Variants in SRFBP1 observed in about 807,000 individuals in gnomAD.
SRFBP1 encodes serum response factor binding protein 1.
A neutral mutation model predicts 45.5 loss-of-function variants in SRFBP1; 47 were observed. That is an observed-to-expected ratio of 1.03 (90% CI 0.82 to 1.32). The LOEUF (loss-of-function observed/expected upper bound fraction) is 1.32, where lower values mean the gene tolerates loss of function less well. SRFBP1 is among the 40% of genes most tolerant of loss of function. The pLI is 0.00. For missense variants in SRFBP1, 621 were observed against 484.6 expected (o/e 1.28, Z -2.64); for synonymous variants, 203 against 166.3 (o/e 1.22, Z -1.70).
At chr5:122,066,572 C>T (rs937929317) in intron 2 of SRFBP1, 4 of 508,122 alleles carry the variant, frequency 7.9e-6, no homozygotes, top group African/African-American at 3.9e-5. Flanking sequence ...ATGACTTAAG[C>T]GTTCAAAATC....
intron 1 of SRFBP1, among the ~76,000 whole-genome samples, chr5:121,966,946 A>ATTTTTTTTT (rs34687337): frequency 2.2e-4 from 25 of 114,680 alleles, no homozygotes; most frequent in Non-Finnish European, 3.3e-4. Flanking sequence ...CGCCCAGCTA[A>ATTTTTTTTT]TTTTTTTTTT....
rs543502295 is a variant in SRFBP1 at position 121,995,211 on chromosome 5, A to T, written c.270+541A>T. On this transcript the variant is annotated intron_variant, in intron 4 of 7. Coordinates refer to ENST00000339397, the MANE Select transcript of SRFBP1 (RefSeq NM_152546.3). Reference sequence around the variant, plus strand: ...TCCACCCCAAATCAACAGAATATACATTTTTTTCAGCACCACACCACACCT... The same window carrying T: ...TCCACCCCAAATCAACAGAATATACTTTTTTTTCAGCACCACACCACACCT... 2.0e-4 allele frequency among the ~76,000 whole-genome samples: 30 copies of T among 151,698 alleles called. 1 individual carries two copies. In the South Asian group the frequency reaches 6.1e-3, roughly 31 times the overall value.
chr5:121,975,467 C>T lies in SRFBP1; in HGVS notation c.198+80C>T. 4.7e-6 allele frequency: 7 copies of T among 1,479,046 alleles called. No homozygotes were observed. In the South Asian group the frequency reaches 6.9e-5, roughly 14 times the overall value. The allele number at this position is 1,479,046 out of a possible 1,614,324, so 91.6% of individuals were successfully genotyped here. On this transcript the variant is annotated intron_variant, in intron 3 of 7. Coordinates refer to ENST00000339397, the MANE Select transcript of SRFBP1 (RefSeq NM_152546.3). Reference sequence around the variant, plus strand: ...TGCATTTTGTTTGTGTGTGGTATTGCTTATTTGAATATTCCCGAGAGTTGC... The same window carrying T: ...TGCATTTTGTTTGTGTGTGGTATTGTTTATTTGAATATTCCCGAGAGTTGC...
intron 4 of SRFBP1, among the ~76,000 whole-genome samples, chr5:121,996,083 T>A (rs1020812924): frequency 3.3e-5 from 5 of 149,576 alleles, no homozygotes; most frequent in Non-Finnish European, 6.0e-5. Context: ...CTACCAGAGG[T>A]ACAAGGAGGA....
intron 3 of SRFBP1, 45 bp from the exon 4 acceptor site, chr5:121,994,554 A>G: frequency 1.5e-6 from 2 of 1,316,694 alleles, no homozygotes; most frequent in East Asian, 2.3e-5. Flanking sequence ...AATAGTGATA[A>G]AAATAGACAC....
chr5:122,005,945 A>G (rs1189657191), intron 4 of SRFBP1, among the ~76,000 whole-genome samples: 1 of 152,186 alleles, frequency 6.6e-6, no homozygotes, highest in Non-Finnish European at 1.5e-5. Context: ...GCACACCCCC[A>G]TTTAGAGTAT....
At chr5:122,075,290 A>G in intron 2 of SRFBP1, 1 of 926,274 alleles carries the variant, frequency 1.1e-6, no homozygotes, top group Non-Finnish European at 1.6e-6. Context: ...TCTAAATATA[A>G]GTAATAGCAA....
At position 122,020,351 on chromosome 5, in the gene SRFBP1, A is replaced by G; in HGVS notation, c.616A>G (p.Lys206Glu). ...AGTGACTATTGCAAATTCTCCATCAAAGCCTTCAGAAAAGGATTCTGTAGT... is the reference window on the plus strand; with the variant it reads ...AGTGACTATTGCAAATTCTCCATCAGAGCCTTCAGAAAAGGATTCTGTAGT... ...KAVTIANSPS[K>E]PSEKDSVVSL... is the part of the protein sequence containing the mutation. Residue 206 changes from lysine to glutamate, a missense_variant, in exon 6 of 8, where the codon AAG (lysine) becomes GAG (glutamate). Transcript: ENST00000339397. 1 of 1,614,128 alleles carries G rather than the reference A, an allele frequency of 6.2e-7. No homozygotes were observed. The highest frequency in any genetic ancestry group is 8.5e-7 in the Non-Finnish European group (1 of 1,179,988).
Position 122,027,192 on chromosome 5 carries a change from A to T in SRFBP1, c.*66A>T. 7.5e-7 allele frequency: 1 copy of T among 1,330,066 alleles called. No homozygotes were observed. Among genetic ancestry groups the T allele is most frequent in the Non-Finnish European group, 1.0e-6 (1 of 965,694 alleles). The allele number at this position is 1,330,066 out of a possible 1,614,324, so 82.4% of individuals were successfully genotyped here. On this transcript the variant is annotated 3_prime_UTR_variant, in exon 8 of 8. Transcript: ENST00000339397. Reference sequence around the variant, plus strand: ...AATGTTTTTTTTAAGACAGGATCTCATTCTGTTGCCCAGACTAGAGTACAA... The same window carrying T: ...AATGTTTTTTTTAAGACAGGATCTCTTTCTGTTGCCCAGACTAGAGTACAA...
At chr5:121,991,873 C>A (rs899226174) in intron 3 of SRFBP1, among the ~76,000 whole-genome samples, 1 of 151,932 alleles carries the variant, frequency 6.6e-6, no homozygotes, top group Admixed American at 6.6e-5. Context: ...ACGAGTTGGT[C>A]CAAAATACCG....
intron 4 of SRFBP1, among the ~76,000 whole-genome samples, chr5:121,999,994 C>T (rs1320488434): frequency 6.6e-6 from 1 of 151,966 alleles, no homozygotes; most frequent in Non-Finnish European, 1.5e-5. Flanking sequence ...TTTCTATTTG[C>T]TTCATATCTT....
At chr5:121,997,755 C>G (rs1416908766) in intron 4 of SRFBP1, among the ~76,000 whole-genome samples, 1 of 151,720 alleles carries the variant, frequency 6.6e-6, no homozygotes, top group African/African-American at 2.4e-5. Context: ...AAAATTTTCG[C>G]AACCTACTCA....
intron 2 of SRFBP1, among the ~76,000 whole-genome samples, chr5:122,060,840 G>A (rs564847732): frequency 3.3e-5 from 5 of 152,112 alleles, no homozygotes; most frequent in African/African-American, 9.6e-5. Flanking sequence ...CTTGTCCTTT[G>A]GTTACATGAA....
At chr5:122,014,905 A>C (rs185840547) in intron 4 of SRFBP1, among the ~76,000 whole-genome samples, 95 of 152,330 alleles carry the variant, frequency 6.2e-4, no homozygotes, top group African/African-American at 1.8e-3. Flanking sequence ...CAAAACAGGG[A>C]TTTGGAAACA....
chr5:122,054,365 G>A (rs1176392330), intron 2 of SRFBP1, among the ~76,000 whole-genome samples: 2 of 152,200 alleles, frequency 1.3e-5, no homozygotes, highest in African/African-American at 4.8e-5. Context: ...AGCCCAGACA[G>A]GCTGGTGCCC....
Position 122,027,110 on chromosome 5 carries a change from T to C in SRFBP1, c.1274T>C (p.Ile425Thr), listed in dbSNP as rs745456471. The change falls in exon 8 of 8, where the codon ATT becomes ACT. Residue 425 changes from isoleucine to threonine, a missense_variant. By Grantham distance (89) the Ile-to-Thr change is moderately conservative. Coordinates refer to ENST00000339397, the MANE Select transcript of SRFBP1 (RefSeq NM_152546.3). ...ATTGCTGTGTTTCAGGGGAAAAAAATTACGTTTGATGATTGATTAGTGCCT... is the reference window on the plus strand; with the variant it reads ...ATTGCTGTGTTTCAGGGGAAAAAAACTACGTTTGATGATTGATTAGTGCCT... ...SNIAVFQGKK[I>T]TFDD 1 of 1,601,702 alleles carries C rather than the reference T, an allele frequency of 6.2e-7. No homozygotes were observed. Among genetic ancestry groups the C allele is most frequent in the Non-Finnish European group, 8.5e-7 (1 of 1,176,286 alleles).
At chr5:122,077,688 C>G (rs762913437), downstream of SRFBP1, 91 of 1,599,356 alleles carry the variant, frequency 5.7e-5, no homozygotes, top group Non-Finnish European at 7.6e-5. The surrounding 1 kb of genome is among the most constrained non-coding windows in gnomAD (Gnocchi z 4.9). Context: ...CGCGCCGCGG[C>G]GGTGCGGTTG....
At chr5:122,070,111 G>C in intron 2 of SRFBP1, 1 of 1,613,272 alleles carries the variant, frequency 6.2e-7, no homozygotes, top group Non-Finnish European at 8.5e-7. Flanking sequence ...ATGTCACAGC[G>C]CACAACATTG....
chr5:121,994,578 A>G, intron 3 of SRFBP1, 21 bp from the exon 4 acceptor site: 2 of 1,540,916 alleles, frequency 1.3e-6, no homozygotes, highest in Admixed American at 3.7e-5. Context: ...ACTAAAATTA[A>G]TTTGTTTTAT....
Sources: gnomAD v4.1 joint callset for allele counts (sites outside exome capture counted in the v4.1 genomes callset) on GRCh38, gnomAD v4.1.1 for gene constraint, Gnocchi (gnomAD v3.1) non-coding constraint, MANE v1.5 for transcripts, NCBI Gene and HGNC (gene_info 2026-07-23, HGNC 2026-07-21) for gene names.